The following ARHGAP30 variants were observed in gnomAD, a reference collection of about 807,000 sequenced individuals.
The protein encoded by ARHGAP30 is rho GTPase-activating protein 30.
ARHGAP30 carries 23 observed loss-of-function variants against 72.0 expected under a neutral mutation model. The observed-to-expected ratio is 0.32, with a 90% CI of 0.23 to 0.45. The LOEUF is 0.45. ARHGAP30 is among the 20% of genes least tolerant of loss of function. ARHGAP30 has a pLI of 1.00. For missense variants in ARHGAP30, 1,319 were observed against 1,383.4 expected (o/e 0.95, Z 0.74); for synonymous variants, 576 against 528.2 (o/e 1.09, Z -1.24).
chr1:161,051,612 A>G lies in ARHGAP30; in HGVS notation c.1122T>C (p.Pro374=). 1 of 1,613,562 alleles carries G rather than the reference A, an allele frequency of 6.2e-7. No homozygotes were observed. Among genetic ancestry groups the G allele is most frequent in the Non-Finnish European group, 8.5e-7 (1 of 1,180,028 alleles). Residue 374 remains proline, a synonymous_variant, in exon 10 of 12, where the codon CCT becomes CCC. Coordinates refer to ENST00000368013, the MANE Select transcript of ARHGAP30 (RefSeq NM_001025598.2). ...TTGTGCCACCCAGTGCTTCTGCCTC[A>G]GGCTCCTGTTCACCCTCTGCTGCCT... The part of the protein sequence containing the change: ...SIEAAEGEQE[P]EAEALGGTNS...
chr1:161,069,433 G>T lies in ARHGAP30; in HGVS notation c.97+95C>A. On this transcript the variant is annotated intron_variant, in intron 1 of 11. Coordinates refer to ENST00000368013, the MANE Select transcript of ARHGAP30 (RefSeq NM_001025598.2). This position sits in a 1 kb window ranked among gnomAD's most constrained non-coding sequence, Gnocchi z 4.9. ...CCAGGCCACTGCCCCTTCCCCAGGA[G>T]CACCGGAAACTGCTTCTGCCCTTCA... 7.8e-7 allele frequency: 1 copy of T among 1,277,064 alleles called. No individual in the cohort carries two copies. The highest frequency in any genetic ancestry group is 1.2e-5 in the South Asian group (1 of 80,982). The allele number at this position is 1,277,064 out of a possible 1,614,324, so 79.1% of individuals were successfully genotyped here.
Position 161,051,316 on chromosome 1 carries a change from G to T in ARHGAP30, c.1418C>A (p.Pro473Gln), listed in dbSNP as rs150334154. 9 of 1,594,534 alleles carry T rather than the reference G, an allele frequency of 5.6e-6. No individual in the cohort carries two copies. The highest frequency in any genetic ancestry group is 6.8e-6 in the Non-Finnish European group (8 of 1,170,366). ...TTGGTCAATCAATGGGTCCTCACCT[G>T]GGGGGCCAGGGCCAAGGCCAGGGCC... ...GPGPGLGPGPPDEKLEASPAS... is the reference protein window; with the variant it reads ...GPGPGLGPGPQDEKLEASPAS... Residue 473 changes from proline (P) to glutamine (Q), a missense_variant and splice_region_variant, in exon 10 of 12, where the codon CCA becomes CAA. Around this residue, in one of 2 missense-constraint regions of ARHGAP30, gnomAD observed 1,097 missense variants for 1,045.2 expected, o/e 1.05. Transcript: ENST00000368013.
chr1:161,055,365 C>T (rs759726202), intron 3 of ARHGAP30, among the ~76,000 whole-genome samples: 6 of 152,032 alleles, frequency 3.9e-5, no homozygotes, highest in South Asian at 2.1e-4. Context: ...TGGTGGTGCA[C>T]GCCTGTAGTC....
chr1:161,062,379 G>C (rs747135321), intron 1 of ARHGAP30, among the ~76,000 whole-genome samples: 1 of 151,922 alleles, frequency 6.6e-6, no homozygotes, highest in Non-Finnish European at 1.5e-5. Flanking sequence ...TATTATTCCC[G>C]TGCCTGGAAT....
At chr1:161,052,023 A>ACATAC (rs1651426971) in intron 9 of ARHGAP30, among the ~76,000 whole-genome samples, 2 of 71,676 alleles carry the variant, frequency 2.8e-5, no homozygotes, top group South Asian at 5.9e-4. Flanking sequence ...CACCACCACC[A>ACATAC]CCACCACCAC....
chr1:161,051,849 C>G, intron 9 of ARHGAP30, 134 bp from the exon 10 acceptor site: 1 of 1,428,330 alleles, frequency 7.0e-7, no homozygotes, highest in Non-Finnish European at 9.1e-7. Flanking sequence ...GCACCAGGCC[C>G]AGCTTCTTTT....
At chr1:161,066,170 A>G (rs1652750943) in intron 1 of ARHGAP30, among the ~76,000 whole-genome samples, 1 of 150,846 alleles carries the variant, frequency 6.6e-6, no homozygotes, top group Non-Finnish European at 1.5e-5. Context: ...CAGCCAACCA[A>G]AATCTTTCAA....
At chr1:161,064,531 G>A (rs564108029) in intron 1 of ARHGAP30, among the ~76,000 whole-genome samples, 2 of 152,202 alleles carry the variant, frequency 1.3e-5, no homozygotes, top group Admixed American at 1.3e-4. Flanking sequence ...GGTCAAGGCA[G>A]GTAGATCACT....
In ARHGAP30 at chr1:161,068,519, C is replaced by T. The variant is rs1453338624; in HGVS notation, c.97+1009G>A. Among the ~76,000 whole-genome samples the T allele has an allele frequency of 5.3e-5, 8 of 151,890 alleles. 1 individual carries two copies. The highest frequency in any genetic ancestry group is 5.2e-4 in the Admixed American group (8 of 15,274). ...TCCCTCCGCTGCAAGCACCACAGCC[C>T]AGAGCAGAGGAGGGGACAAAGAGGA... On this transcript the variant is annotated intron_variant, in intron 1 of 11. Coordinates refer to ENST00000368013, the MANE Select transcript of ARHGAP30 (RefSeq NM_001025598.2).
intron 6 of ARHGAP30, 191 bp from the exon 7 acceptor site, chr1:161,052,988 C>T (rs1651528772): frequency 3.3e-6 from 3 of 911,946 alleles, no homozygotes; most frequent in African/African-American, 1.7e-5. Context: ...GATCCGAGAA[C>T]GTTGGCCTGG....
chr1:161,047,177 C>T lies in ARHGAP30; in HGVS notation c.*538G>A. Reference sequence around the variant, plus strand: ...GGGGAGCTGGAGAGGAGTCCAGTCCCTCCAACAAATATTGAGGGCTTCAAA... The same window carrying T: ...GGGGAGCTGGAGAGGAGTCCAGTCCTTCCAACAAATATTGAGGGCTTCAAA... On this transcript the variant is annotated 3_prime_UTR_variant, in exon 12 of 12. Transcript: ENST00000368013. 1 of 264,716 alleles carries T rather than the reference C, an allele frequency of 3.8e-6. No individual in the cohort carries two copies. The highest frequency in any genetic ancestry group is 8.2e-6 in the Non-Finnish European group (1 of 122,186). The allele number at this position is 264,716 out of a possible 1,614,324, so 16.4% of individuals were successfully genotyped here.
chr1:161,068,230 T>A (rs1232392799), intron 1 of ARHGAP30, among the ~76,000 whole-genome samples: 1 of 152,188 alleles, frequency 6.6e-6, no homozygotes, highest in East Asian at 1.9e-4. Context: ...TGGCTAAGAA[T>A]CATAGCTCTT....
chr1:161,047,624 G>A lies in ARHGAP30; in HGVS notation c.*91C>T, dbSNP rs567710980. On this transcript the variant is annotated 3_prime_UTR_variant, in exon 12 of 12. Transcript: ENST00000368013. The stretch of plus-strand genomic sequence containing the variant: ...AAAGCCTATAGAGTTGGGCACTACA[G>A]CTGCTCATGCTGCAGAGGAGACAGC... 7.2e-6 allele frequency: 10 copies of A among 1,389,610 alleles called. No individual in the cohort carries two copies. The Admixed American group carries it at 2.3e-4, about 32-fold the overall frequency. The allele number at this position is 1,389,610 out of a possible 1,614,324, so 86.1% of individuals were successfully genotyped here. A position where few individuals can be genotyped will look rare whatever the true frequency, so the allele number is the denominator to read the frequency against.
In ARHGAP30 at chr1:161,052,760, C is replaced by T; in HGVS notation, c.702G>A (p.Gly234=). ...EVESGWRSLP[G]TRASGSPEDL... is the part of the protein sequence containing the mutation. ...CCTCGGGGCTGCCTGATGCCCGGGT[C>T]CCTGGAAGCGATCGCCACCCACTCT... Residue 234 remains glycine (G), a synonymous_variant, in exon 7 of 12, where the codon GGG becomes GGA. Coordinates refer to ENST00000368013, the MANE Select transcript of ARHGAP30 (RefSeq NM_001025598.2). 5 of 1,611,764 alleles carry T rather than the reference C, an allele frequency of 3.1e-6. No individual in the cohort carries two copies. Among genetic ancestry groups the T allele is most frequent in the South Asian group, 1.1e-5 (1 of 90,998 alleles).
In ARHGAP30 at chr1:161,048,907, A is replaced by G; in HGVS notation, c.2114T>C (p.Leu705Ser). 1 of 1,613,442 alleles carries G rather than the reference A, an allele frequency of 6.2e-7. No individual in the cohort carries two copies. Among genetic ancestry groups the G allele is most frequent in the Non-Finnish European group, 8.5e-7 (1 of 1,179,864 alleles). ...TGTCTCTTCCCTACTCCCTTCTCTC[A>G]ATCTGACTTTTGTCTCTTGGCTTCC... ...AGGSQETKVRLREGSREETEA... is the reference protein window; with the variant it reads ...AGGSQETKVRSREGSREETEA... The change falls in exon 12 of 12, where the codon TTG becomes TCG. Residue 705 changes from leucine to serine, a missense_variant. Leu to Ser is a moderately radical substitution (Grantham distance 145). Coordinates refer to ENST00000368013, the MANE Select transcript of ARHGAP30 (RefSeq NM_001025598.2).
chr1:161,048,816 C>A lies in ARHGAP30; in HGVS notation c.2205G>T (p.Glu735Asp). The A allele has an allele frequency of 6.2e-7, 1 of 1,614,110 alleles. No individual in the cohort carries two copies. Reference sequence around the variant, plus strand: ...CTGTATACTCATCTCCTCCTGGTTCCTCCACACCTTTAGCCTCCATACTGT... The same window carrying A: ...CTGTATACTCATCTCCTCCTGGTTCATCCACACCTTTAGCCTCCATACTGT... ...KADSMEAKGV[E>D]EPGGDEYTDE... Residue 735 changes from glutamate (E) to aspartate (D), a missense_variant, in exon 12 of 12, where the codon GAG (glutamate) becomes GAT (aspartate). Glu to Asp is a conservative substitution (Grantham distance 45, BLOSUM62 2). This residue lies in a region of ARHGAP30 where 1,097 missense variants were observed against 1,045.2 expected (regional missense o/e 1.05). Transcript: ENST00000368013.
chr1:161,061,733 C>G (rs569388568), intron 1 of ARHGAP30, among the ~76,000 whole-genome samples: 1 of 152,232 alleles, frequency 6.6e-6, no homozygotes, highest in East Asian at 1.9e-4. Context: ...AGGACAAAAT[C>G]TAAGTGTGAT....
Position 161,047,619 on chromosome 1 carries a change from C to CTACA in ARHGAP30, c.*92_*95dup. 1 of 1,368,532 alleles carries CTACA rather than the reference C, an allele frequency of 7.3e-7. No homozygotes were observed. The highest frequency in any genetic ancestry group is 9.8e-7 in the Non-Finnish European group (1 of 1,021,900). The allele number at this position is 1,368,532 out of a possible 1,614,324, so 84.8% of individuals were successfully genotyped here. On this transcript the variant is annotated 3_prime_UTR_variant, in exon 12 of 12. Coordinates refer to ENST00000368013, the MANE Select transcript of ARHGAP30 (RefSeq NM_001025598.2). ...GGGCCAAAGCCTATAGAGTTGGGCA[C>CTACA]TACAGCTGCTCATGCTGCAGAGGAG...
In ARHGAP30 at chr1:161,048,044, C is replaced by T. The variant is rs746429914; in HGVS notation, c.2977G>A (p.Gly993Ser). The change falls in exon 12 of 12, where the codon GGT becomes AGT. Residue 993 changes from glycine to serine, a missense_variant. Transcript: ENST00000368013. Reference sequence around the variant, plus strand: ...ACAGCAGCATCAAAGGAAAGACTACCCCCATTCCTCCAAGAGGATCGAGAA... The same window carrying T: ...ACAGCAGCATCAAAGGAAAGACTACTCCCATTCCTCCAAGAGGATCGAGAA... Reference protein sequence around the residue: ...RASRSSWRNGGSLSFDAAVAL... With the variant: ...RASRSSWRNGSSLSFDAAVAL... 3 of 1,614,198 alleles carry T rather than the reference C, an allele frequency of 1.9e-6. No homozygotes were observed. The highest frequency in any genetic ancestry group is 2.5e-6 in the Non-Finnish European group (3 of 1,180,028).
Sources: allele counts gnomAD v4.1 joint callset (sites outside exome capture counted in the v4.1 genomes callset), GRCh38; gene constraint gnomAD v4.1.1; regional missense constraint gnomAD v4.1.1; non-coding constraint Gnocchi (gnomAD v3.1); transcripts MANE v1.5; gene names NCBI Gene and HGNC (gene_info 2026-07-23, HGNC 2026-07-21).